The following DPPA2 variants were observed in gnomAD, a reference collection of about 807,000 sequenced individuals.
DPPA2 encodes the protein developmental pluripotency-associated protein 2.
In DPPA2, 26 loss-of-function variants were observed where a neutral mutation model predicts 36.2. The ratio of observed to expected loss-of-function variants is 0.72; its 90% CI spans 0.53 to 1.00. The LOEUF (loss-of-function observed/expected upper bound fraction) is 1.00, where lower values mean the gene tolerates loss of function less well. Ranked by LOEUF, DPPA2 falls within the 50% of genes least tolerant of loss-of-function variation. The probability of loss-of-function intolerance (pLI) is 0.00; values close to 1 mark genes in which losing one functional copy is unlikely to be tolerated. For missense variants in DPPA2, 361 were observed against 365.1 expected (o/e 0.99, Z 0.09); for synonymous variants, 113 against 123.2 (o/e 0.92, Z 0.55).
rs142969733 is a variant in DPPA2 at position 109,304,633 on chromosome 3, C to T, written c.696G>A (p.Ser232=). ...RWCVVHGRLL[S]ADTKGWVRLQ... ...GGCGTACCCAACCCTTTGTGTCTGC[C>T]GAGAGAAGTCTGCCATGGACCACAC... Residue 232 remains serine (S), a synonymous_variant, in exon 7 of 9, where the codon TCG becomes TCA. Transcript: ENST00000478945. The T allele has an allele frequency of 3.0e-5, 48 of 1,611,974 alleles. No homozygotes were observed. The East Asian group carries it at 3.6e-4, about 12-fold the overall frequency.
intron 3 of DPPA2, among the ~76,000 whole-genome samples, chr3:109,311,751 T>TA (rs879752448): frequency 0.012 from 1,702 of 141,506 alleles, 25 homozygotes; most frequent in African/African-American, 0.04. Flanking sequence ...CAGAAAAATT[T>TA]AAAAAAAAAA....
At chr3:109,311,157 C>A (rs1283843601) in intron 3 of DPPA2, among the ~76,000 whole-genome samples, 1 of 152,104 alleles carries the variant, frequency 6.6e-6, no homozygotes, top group Non-Finnish European at 1.5e-5. Context: ...CATATAGCAG[C>A]CTGTTATTTT....
Position 109,312,527 on chromosome 3 carries a change from C to T in DPPA2, c.181+18G>A. ...AGAGTTGTAGGAGTAACTAACTGAG[C>T]AATCCCTGTCCTCATACCTGGATTG... On this transcript the variant is annotated intron_variant, in intron 3 of 8. Coordinates refer to ENST00000478945, the MANE Select transcript of DPPA2 (RefSeq NM_138815.4). 6.2e-7 allele frequency: 1 copy of T among 1,600,582 alleles called. No homozygotes were observed. Among genetic ancestry groups the T allele is most frequent in the Non-Finnish European group, 8.5e-7 (1 of 1,170,804 alleles).
intron 8 of DPPA2, among the ~76,000 whole-genome samples, chr3:109,299,668 A>AAGAATGAG (rs1707423087): frequency 6.6e-6 from 1 of 151,144 alleles, no homozygotes; most frequent in Non-Finnish European, 1.5e-5. Context: ...CCTGGGCGAC[A>AAGAATGAG]AGAATGAGAC....
At chr3:109,315,096 G>A (rs1299734198) in intron 1 of DPPA2, among the ~76,000 whole-genome samples, 1 of 152,128 alleles carries the variant, frequency 6.6e-6, no homozygotes, top group Non-Finnish European at 1.5e-5. Flanking sequence ...AAAAAAATAG[G>A]TGAAACTTGA....
intron 3 of DPPA2, among the ~76,000 whole-genome samples, chr3:109,310,313 C>G (rs1316235912): frequency 1.4e-5 from 2 of 140,640 alleles, no homozygotes; most frequent in Non-Finnish European, 3.0e-5. Context: ...GAGGCTGAGG[C>G]AGGAGAATTG....
At chr3:109,315,827 G>A (rs138236693) in intron 1 of DPPA2, among the ~76,000 whole-genome samples, 10 of 152,026 alleles carry the variant, frequency 6.6e-5, no homozygotes, top group African/African-American at 2.2e-4. Context: ...CCAGAAGTTC[G>A]AGACCAGCCT....
intron 1 of DPPA2, among the ~76,000 whole-genome samples, chr3:109,315,721 A>C (rs1253440042): frequency 6.6e-6 from 1 of 152,150 alleles, no homozygotes; most frequent in Non-Finnish European, 1.5e-5. Context: ...AGTGTATTTA[A>C]CACATTCAAA....
chr3:109,300,328 C>A, intron 8 of DPPA2, 43 bp downstream of exon 8: 1 of 1,524,494 alleles, frequency 6.6e-7, no homozygotes, highest in Non-Finnish European at 9.1e-7. Flanking sequence ...GCCTTCAAAT[C>A]AAAATAATAC....
chr3:109,311,600 CGTG>C (rs1707710674), intron 3 of DPPA2, among the ~76,000 whole-genome samples: 1 of 151,684 alleles, frequency 6.6e-6, no homozygotes. Context: ...ATTAGCTGGG[CGTG>C]GTGGTGGGCG....
rs1344706845 is a variant in DPPA2, at chr3:109,314,589, T to C, written c.-13-34A>G. ...GGCAAGGACAGCAATGTTAAGGATA[T>C]GGTAGTTTACTTCTCTTAACCTGCT... On this transcript the variant is annotated intron_variant, in intron 1 of 8. Coordinates refer to ENST00000478945, the MANE Select transcript of DPPA2 (RefSeq NM_138815.4). 6 of 1,588,322 alleles carry C rather than the reference T, an allele frequency of 3.8e-6. No homozygotes were observed. In the East Asian group the frequency reaches 8.9e-5, roughly 24 times the overall value.
At chr3:109,303,333 T>C (rs1002233234) in intron 7 of DPPA2, among the ~76,000 whole-genome samples, 6 of 152,080 alleles carry the variant, frequency 3.9e-5, no homozygotes, top group Non-Finnish European at 5.9e-5. Flanking sequence ...GCTATTCCAA[T>C]ATAGATTCTT....
Position 109,314,556 on chromosome 3 carries a change from C to T in DPPA2, c.-13-1G>A, listed in dbSNP as rs565759202. On this transcript the variant is annotated splice_acceptor_variant, in intron 1 of 8. Coordinates refer to ENST00000478945, the MANE Select transcript of DPPA2 (RefSeq NM_138815.4). LOFTEE classifies it low-confidence loss of function (5UTR_SPLICE). ...TGCATCTGACATTTTCAGCAACACC[C>T]TGGGGAAGGCAAGGACAGCAATGTT... is the stretch of plus-strand genomic sequence containing the variant. 2 of 1,608,992 alleles carry T rather than the reference C, an allele frequency of 1.2e-6. No individual in the cohort carries two copies. Among genetic ancestry groups the T allele is most frequent in the South Asian group, 1.1e-5 (1 of 90,352 alleles).
chr3:109,302,022 G>A (rs1707464746), intron 7 of DPPA2, among the ~76,000 whole-genome samples: 1 of 152,148 alleles, frequency 6.6e-6, no homozygotes, highest in South Asian at 2.1e-4. Context: ...CCATCTTGCT[G>A]CCAACCATTA....
At chr3:109,315,104 T>TAAA (rs1195356574) in intron 1 of DPPA2, among the ~76,000 whole-genome samples, 1 of 152,052 alleles carries the variant, frequency 6.6e-6, no homozygotes, top group African/African-American at 2.4e-5. Flanking sequence ...AGGTGAAACT[T>TAAA]GAAAGAAAAC....
chr3:109,307,769 C>T (rs1707605633), intron 6 of DPPA2, among the ~76,000 whole-genome samples: 1 of 152,026 alleles, frequency 6.6e-6, no homozygotes, highest in Admixed American at 6.6e-5. Flanking sequence ...AGGGGAAGAC[C>T]TCAGACTGTG....
At chr3:109,312,514 G>A in intron 3 of DPPA2, 31 bp downstream of exon 3, 1 of 1,592,314 alleles carries the variant, frequency 6.3e-7, no homozygotes, top group Non-Finnish European at 8.6e-7. Flanking sequence ...AGTTGTAGGA[G>A]TAACTAACTG....
At position 109,304,463 on chromosome 3, in the gene DPPA2, C is replaced by A. The variant is rs1279063107; in HGVS notation, c.854+12G>T. ...TCTGTGTGCCATGCTTAACAAGATA[C>A]ATAAGGGTTACCTCTTAGCACAGTC... On this transcript the variant is annotated intron_variant, in intron 7 of 8. Coordinates refer to ENST00000478945, the MANE Select transcript of DPPA2 (RefSeq NM_138815.4). 1.3e-6 allele frequency: 2 copies of A among 1,599,440 alleles called. No individual in the cohort carries two copies. The highest frequency in any genetic ancestry group is 1.7e-6 in the Non-Finnish European group (2 of 1,173,686).
chr3:109,309,273 A>ACCAT lies in DPPA2; in HGVS notation c.238_239insATGG (p.Ile80AsnfsTer15). 3.1e-6 allele frequency: 5 copies of ACCAT among 1,614,156 alleles called. No homozygotes were observed. The highest frequency in any genetic ancestry group is 4.2e-6 in the Non-Finnish European group (5 of 1,180,024). ...AATGGTCGGCAAGGGAAGGGCTGGT[A>ACCAT]TTTTGCATCTAGCTTTTTGTGGAGC... On this transcript the variant is annotated frameshift_variant, in exon 4 of 9. Transcript: ENST00000478945. LOFTEE classifies it high-confidence loss of function.
Sources: gnomAD v4.1 joint callset for allele counts (sites outside exome capture counted in the v4.1 genomes callset) on GRCh38, gnomAD v4.1.1 for gene constraint, MANE v1.5 for transcripts, NCBI Gene and HGNC (gene_info 2026-07-23, HGNC 2026-07-21) for gene names.